Variants in BLK observed in about 807,000 individuals in gnomAD.
BLK encodes BLK proto-oncogene, Src family tyrosine kinase.
A neutral mutation model predicts 61.8 loss-of-function variants in BLK; 64 were observed. The observed-to-expected ratio is 1.03, with a 90% CI of 0.85 to 1.27. The LOEUF (loss-of-function observed/expected upper bound fraction) is 1.27, where lower values mean the gene tolerates loss of function less well. Ranked by LOEUF, BLK falls within the 50% of genes most tolerant of loss-of-function variation. BLK has a pLI of 0.00. For missense variants in BLK, 853 were observed against 660.5 expected, an observed-to-expected ratio of 1.29 and a Z score of -3.19; for synonymous variants, 351 against 272.0, an observed-to-expected ratio of 1.29 and a Z score of -2.86.
intron 1 of BLK, among the ~76,000 whole-genome samples, chr8:11,538,158 A>G (rs1800216574): frequency 6.6e-6 from 1 of 152,172 alleles, no homozygotes. Flanking sequence ...TCACACACAC[A>G]CAAGTGCACA....
Position 11,554,730 on chromosome 8 carries a change from A to C in BLK, c.473-13A>C, listed in dbSNP as rs1469089286. 1 of 1,612,678 alleles carries C rather than the reference A, an allele frequency of 6.2e-7. No homozygotes were observed. On this transcript the variant is annotated splice_polypyrimidine_tract_variant and intron_variant, in intron 6 of 12. Coordinates refer to ENST00000259089, the MANE Select transcript of BLK (RefSeq NM_001715.3). ...TGCCTTACTTCTCGTGTGTGTCTTCATGAACCCTCCAGGTGCCTTCTCCCT... is the reference window on the plus strand; with the variant it reads ...TGCCTTACTTCTCGTGTGTGTCTTCCTGAACCCTCCAGGTGCCTTCTCCCT...
At position 11,561,305 on chromosome 8, in the gene BLK, G is replaced by A. The variant is rs1300783845; in HGVS notation, c.1033G>A (p.Ala345Thr). 2 of 1,613,112 alleles carry A rather than the reference G, an allele frequency of 1.2e-6. No homozygotes were observed. Among genetic ancestry groups the A allele is most frequent in the East Asian group, 4.5e-5 (2 of 44,862 alleles). ...PRLIDMSAQI[A>T]EGMAYIERMN... ...CACCATGTGCCTGTTCCCTCAGATT[G>A]CTGAAGGGATGGCATACATTGAGCG... Residue 345 changes from alanine to threonine, a missense_variant, in exon 11 of 13, where the codon GCT becomes ACT. Transcript: ENST00000259089.
intron 1 of BLK, among the ~76,000 whole-genome samples, chr8:11,537,054 A>T (rs560617500): frequency 2.0e-4 from 30 of 152,302 alleles, no homozygotes; most frequent in South Asian, 2.1e-4. Flanking sequence ...GTTGCTAGGA[A>T]CTGTTATCGG....
At chr8:11,542,693 C>G (rs1800438170) in intron 1 of BLK, among the ~76,000 whole-genome samples, 1 of 152,298 alleles carries the variant, frequency 6.6e-6, no homozygotes, top group African/African-American at 2.4e-5. Flanking sequence ...GGCCTCGATG[C>G]CTGTGCTATC....
chr8:11,545,823 C>T (rs1304239354), intron 2 of BLK: 4 of 585,918 alleles, frequency 6.8e-6, no homozygotes, highest in Admixed American at 5.5e-5. Context: ...CACATTGGGG[C>T]ATCCCCCAGC....
chr8:11,501,732 C>T (rs987280979), intron 1 of BLK, among the ~76,000 whole-genome samples: 6 of 152,226 alleles, frequency 3.9e-5, no homozygotes, highest in African/African-American at 7.2e-5. Context: ...GCATTGGTTG[C>T]AGCAGATGAG....
chr8:11,518,141 C>T (rs1480220839), intron 1 of BLK, among the ~76,000 whole-genome samples: 5 of 152,248 alleles, frequency 3.3e-5, no homozygotes, highest in Non-Finnish European at 7.4e-5. Flanking sequence ...GTAGAGAGCC[C>T]AGTTCTCCTG....
intron 12 of BLK, among the ~76,000 whole-genome samples, 180 bp from the exon 13 acceptor site, chr8:11,563,723 A>T (rs1801595711): frequency 6.6e-6 from 1 of 152,228 alleles, no homozygotes; most frequent in South Asian, 2.1e-4. Flanking sequence ...AATAAAAAGT[A>T]AATAAAGGGC....
intron 1 of BLK, among the ~76,000 whole-genome samples, chr8:11,520,408 T>C (rs530543904): frequency 1.5e-5 from 2 of 135,546 alleles, no homozygotes; most frequent in South Asian, 2.3e-4. Flanking sequence ...GCCCAGAAGA[T>C]TGAGGCTGCA....
In BLK at chr8:11,498,515, C is replaced by T. The variant is rs543105836; in HGVS notation, c.-2+3924C>T. On this transcript the variant is annotated intron_variant, in intron 1 of 12. Coordinates refer to ENST00000259089, the MANE Select transcript of BLK (RefSeq NM_001715.3). Reference sequence around the variant, plus strand: ...AGACTACTTTAATTTTCTCTCTCAGCGTGTTGTGGATATGAGGAAGTGGAA... The same window carrying T: ...AGACTACTTTAATTTTCTCTCTCAGTGTGTTGTGGATATGAGGAAGTGGAA... Among the ~76,000 whole-genome samples, 15 of 152,280 alleles carry T rather than the reference C, an allele frequency of 9.9e-5. 1 individual carries two copies. The East Asian group carries it at 1.7e-3, about 18-fold the overall frequency.
intron 1 of BLK, among the ~76,000 whole-genome samples, chr8:11,534,384 T>C (rs1800023609): frequency 6.6e-6 from 1 of 152,222 alleles, no homozygotes; most frequent in Non-Finnish European, 1.5e-5. Context: ...TTTTAAAACA[T>C]AAATTTACAT....
At chr8:11,519,671 G>A (rs1013139057) in intron 1 of BLK, among the ~76,000 whole-genome samples, 1 of 152,160 alleles carries the variant, frequency 6.6e-6, no homozygotes, top group Admixed American at 6.5e-5. Flanking sequence ...AACCGTGTGA[G>A]GTAGTTATTA....
intron 1 of BLK, among the ~76,000 whole-genome samples, chr8:11,498,143 C>T (rs1470741075): frequency 6.6e-6 from 1 of 152,192 alleles, no homozygotes; most frequent in Non-Finnish European, 1.5e-5. Flanking sequence ...ACTTTGGCAC[C>T]TAGGATGCTG....
chr8:11,553,223 G>C (rs1453429935), intron 6 of BLK: 2 of 197,272 alleles, frequency 1.0e-5, no homozygotes, highest in Non-Finnish European at 2.1e-5. Flanking sequence ...GGCCTCCGGG[G>C]TGTCCTTGAG....
rs767349713 is a variant in BLK at position 11,556,852 on chromosome 8, A to G, written c.952+15A>G. ...CATGGCCAGAGGTGGTGCCCCCCGC[A>G]GAGCCGCATCCTCAGAGCGAGGCGG... On this transcript the variant is annotated intron_variant, in intron 9 of 12. Coordinates refer to ENST00000259089, the MANE Select transcript of BLK (RefSeq NM_001715.3). 1.1e-5 allele frequency: 17 copies of G among 1,613,096 alleles called. No homozygotes were observed. The highest frequency in any genetic ancestry group is 1.4e-5 in the Non-Finnish European group (16 of 1,179,454).
At chr8:11,507,133 A>T (rs1381487883) in intron 1 of BLK, among the ~76,000 whole-genome samples, 2 of 152,254 alleles carry the variant, frequency 1.3e-5, no homozygotes, top group Non-Finnish European at 1.5e-5. Context: ...TCCAACATGC[A>T]GTATAAATGT....
At chr8:11,542,182 T>G (rs751199693) in intron 1 of BLK, among the ~76,000 whole-genome samples, 1 of 152,224 alleles carries the variant, frequency 6.6e-6, no homozygotes, top group Non-Finnish European at 1.5e-5. Flanking sequence ...TAGCATTTAA[T>G]TATGTATCAC....
intron 1 of BLK, among the ~76,000 whole-genome samples, chr8:11,510,861 TCTA>T: frequency 6.6e-6 from 1 of 152,304 alleles, no homozygotes; most frequent in Admixed American, 6.5e-5. Context: ...TGCTTCTATT[TCTA>T]CTTTTTTAAC....
intron 1 of BLK, among the ~76,000 whole-genome samples, chr8:11,533,888 CA>C: frequency 2.0e-5 from 3 of 152,340 alleles, no homozygotes; most frequent in Admixed American, 2.0e-4. Flanking sequence ...ACAAGAGGAT[CA>C]CTGGCAGTAA....
Sources: gnomAD v4.1 joint callset for allele counts (sites outside exome capture counted in the v4.1 genomes callset) on GRCh38, gnomAD v4.1.1 for gene constraint, MANE v1.5 for transcripts, NCBI Gene and HGNC (gene_info 2026-07-23, HGNC 2026-07-21) for gene names.